BBS9: variants seen among roughly 807,000 people sequenced by gnomAD.
BBS9 encodes the protein Bardet-Biedl syndrome 9, also known as protein PTHB1.
In BBS9, 89 loss-of-function variants were observed where a neutral mutation model predicts 117.7. The observed-to-expected ratio is 0.76, with a 90% CI of 0.64 to 0.90. The LOEUF (loss-of-function observed/expected upper bound fraction) is 0.90. Ranked by LOEUF, BBS9 falls within the 40% of genes least tolerant of loss-of-function variation. The pLI, the probability that BBS9 is intolerant of heterozygous loss-of-function variation, is 0.00. For missense variants in BBS9, 982 were observed against 1,042.2 expected (o/e 0.94, Z 0.80); for synonymous variants, 379 against 370.9 (o/e 1.02, Z -0.25).
chr7:33,161,266 C>A (rs1314278873), intron 4 of BBS9, among the ~76,000 whole-genome samples: 2 of 152,100 alleles, frequency 1.3e-5, no homozygotes, highest in Admixed American at 1.3e-4. Context: ...GCTATCCCTG[C>A]CCCTGCACCC....
At chr7:33,334,504 A>G (rs990113474) in intron 9 of BBS9, among the ~76,000 whole-genome samples, 1 of 152,178 alleles carries the variant, frequency 6.6e-6, no homozygotes, top group South Asian at 2.1e-4. Context: ...GTCACAACTC[A>G]GAGGGAAGGG....
chr7:33,160,467 A>T (rs1344660575), intron 4 of BBS9, among the ~76,000 whole-genome samples: 1 of 152,178 alleles, frequency 6.6e-6, no homozygotes, highest in East Asian at 1.9e-4. Flanking sequence ...AAATTAAAGT[A>T]TACTCTATGA....
At chr7:33,408,149 C>T (rs1464647027) in intron 19 of BBS9, among the ~76,000 whole-genome samples, 1 of 152,220 alleles carries the variant, frequency 6.6e-6, no homozygotes, top group African/African-American at 2.4e-5. Context: ...TGGCGGGCGC[C>T]CCTCCCCCAG....
chr7:33,248,496 G>A (rs1339360255), intron 5 of BBS9, among the ~76,000 whole-genome samples: 1 of 152,098 alleles, frequency 6.6e-6, no homozygotes, highest in African/African-American at 2.4e-5. Context: ...AACTATGATA[G>A]TAGTTTTATT....
chr7:33,475,715 T>C (rs866494697), intron 19 of BBS9, among the ~76,000 whole-genome samples: 10 of 152,296 alleles, frequency 6.6e-5, no homozygotes, highest in Admixed American at 2.6e-4. Flanking sequence ...ATATATTCCC[T>C]GGGTCTGGGA....
intron 21 of BBS9, among the ~76,000 whole-genome samples, chr7:33,544,729 C>T (rs771264851): frequency 6.6e-5 from 10 of 152,060 alleles, no homozygotes; most frequent in Non-Finnish European, 8.8e-5. Flanking sequence ...GGAGAGGGAC[C>T]GGCAGTGGGT....
intron 19 of BBS9, among the ~76,000 whole-genome samples, chr7:33,455,750 A>G (rs1356672006): frequency 6.6e-6 from 1 of 152,202 alleles, no homozygotes; most frequent in Non-Finnish European, 1.5e-5. Context: ...CCAGCTAACC[A>G]AAGATCAGAA....
chr7:33,437,860 A>T (rs1304238447), intron 19 of BBS9, among the ~76,000 whole-genome samples: 1 of 152,204 alleles, frequency 6.6e-6, no homozygotes, highest in Non-Finnish European at 1.5e-5. Context: ...TGGGCAACAG[A>T]GTGAGACTCC....
At chr7:33,477,022 G>T (rs1043984685) in intron 19 of BBS9, among the ~76,000 whole-genome samples, 2 of 152,148 alleles carry the variant, frequency 1.3e-5, no homozygotes, top group Admixed American at 6.6e-5. Context: ...TAGTTCTGAA[G>T]CTGAACTGCC....
At chr7:33,188,080 A>ATG (rs145485929) in intron 5 of BBS9, among the ~76,000 whole-genome samples, 2,543 of 72,978 alleles carry the variant, frequency 0.035, 85 homozygotes, top group African/African-American at 0.076. Flanking sequence ...AGTTGAGTGA[A>ATG]TGTGTGTGTG....
intron 7 of BBS9, among the ~76,000 whole-genome samples, chr7:33,268,238 G>T (rs1263666050): frequency 6.6e-6 from 1 of 152,138 alleles, no homozygotes; most frequent in South Asian, 2.1e-4. Flanking sequence ...ACAATAATTT[G>T]CCAGTAAGTA....
At chr7:33,623,989 A>AT (rs1310790497) in intron 21 of BBS9, among the ~76,000 whole-genome samples, 1 of 85,654 alleles carries the variant, frequency 1.2e-5, no homozygotes. Flanking sequence ...TATTATTAAA[A>AT]AAAAAAAAAT....
intron 17 of BBS9, among the ~76,000 whole-genome samples, chr7:33,378,764 C>A (rs6462473): frequency 0.18 from 27,956 of 152,128 alleles, 2,819 homozygotes; most frequent in Non-Finnish European, 0.22. Context: ...TTCTTTCATA[C>A]AACACACATG....
intron 9 of BBS9, among the ~76,000 whole-genome samples, chr7:33,300,074 G>A (rs1422021062): frequency 6.6e-6 from 1 of 152,190 alleles, no homozygotes; most frequent in Non-Finnish European, 1.5e-5. Context: ...GTATCTGAAA[G>A]GGCCAGAGAA....
intron 19 of BBS9, among the ~76,000 whole-genome samples, chr7:33,503,708 A>G (rs1845764976): frequency 6.6e-6 from 1 of 151,572 alleles, no homozygotes; most frequent in African/African-American, 2.4e-5. Flanking sequence ...TCATAATGTG[A>G]TGGCCCCACA....
intron 1 of BBS9, among the ~76,000 whole-genome samples, chr7:33,137,792 G>A (rs1031774856): frequency 2.0e-5 from 3 of 151,906 alleles, no homozygotes; most frequent in South Asian, 2.1e-4. Context: ...ATAAATTATC[G>A]TCTACAATGG....
intron 19 of BBS9, among the ~76,000 whole-genome samples, chr7:33,389,142 G>A (rs1246484585): frequency 6.6e-6 from 1 of 152,096 alleles, no homozygotes; most frequent in African/African-American, 2.4e-5. Context: ...TCATTTATGT[G>A]GGTGCGTGTA....
rs1019981051 is a variant in BBS9, at chr7:33,257,182, ATAT to A, written c.443-50_443-48del. Reference sequence around the variant, plus strand: ...ATGTTGTAGATAGTGATTAATAAAAATATTATATTTATAAAAAGAATAGATTAT... The same window carrying A: ...ATGTTGTAGATAGTGATTAATAAAAATATATTTATAAAAAGAATAGATTAT... On this transcript the variant is annotated intron_variant, in intron 5 of 22. Transcript: ENST00000242067. The A allele has an allele frequency of 6.4e-6, 8 of 1,246,884 alleles. No individual in the cohort carries two copies. In the African/African-American group the frequency reaches 1.2e-4, roughly 19 times the overall value. 77.2% of individuals were successfully genotyped at this position (1,246,884 alleles called of 1,614,324 possible). A position where few individuals can be genotyped will look rare whatever the true frequency, so the allele number is the denominator to read the frequency against.
chr7:33,160,378 C>T (rs1794666382), intron 4 of BBS9, among the ~76,000 whole-genome samples: 1 of 152,176 alleles, frequency 6.6e-6, no homozygotes, highest in Non-Finnish European at 1.5e-5. Flanking sequence ...TAAAATTTCT[C>T]ACCTGCATTG....
Sources: gnomAD v4.1 joint callset for allele counts (sites outside exome capture counted in the v4.1 genomes callset) on GRCh38, gnomAD v4.1.1 for gene constraint, MANE v1.5 for transcripts, NCBI Gene and HGNC (gene_info 2026-07-23, HGNC 2026-07-21) for gene names.